The following ATP1A1 variants were observed in gnomAD, a reference collection of about 807,000 sequenced individuals.
ATP1A1 encodes the protein sodium/potassium-transporting ATPase subunit alpha-1.
Under a neutral mutation model 114.8 loss-of-function variants are expected in ATP1A1, and 14 were observed. The ratio of observed to expected loss-of-function variants is 0.12; its 90% CI spans 0.08 to 0.19. The LOEUF is 0.19. Ranked by LOEUF, ATP1A1 falls within the 10% of genes least tolerant of loss-of-function variation. The pLI is 1.00. For synonymous variants in ATP1A1, 471 were observed against 466.3 expected (o/e 1.01, Z -0.13); for missense variants, 524 against 1,290.7 (o/e 0.41, Z 9.10).
chr1:116,390,882 T>A lies in ATP1A1; in HGVS notation c.1323T>A (p.Pro441=). 1 of 1,613,398 alleles carries A rather than the reference T, an allele frequency of 6.2e-7. No homozygotes were observed. The highest frequency in any genetic ancestry group is 8.5e-7 in the Non-Finnish European group (1 of 1,179,296). Residue 441 remains proline (P), a synonymous_variant, in exon 10 of 23, where the codon CCT becomes CCA. Transcript: ENST00000295598. ...TTCAGGCTAACCAGGAAAACCTACCTATTCTTAAGGTATGCTCAAGAGTTA... is the reference window on the plus strand; with the variant it reads ...TTCAGGCTAACCAGGAAAACCTACCAATTCTTAAGGTATGCTCAAGAGTTA... ...AVFQANQENL[P]ILKRAVAGDA... is the part of the protein sequence containing the mutation.
rs1570981927 is a variant in ATP1A1 at position 116,401,839 on chromosome 1, C to T, written c.2951+184C>T. On this transcript the variant is annotated intron_variant, in intron 21 of 22. Coordinates refer to ENST00000295598, the MANE Select transcript of ATP1A1 (RefSeq NM_000701.8). The surrounding 1 kb of genome is among the most constrained non-coding windows in gnomAD (Gnocchi z 4.7). ...TCAGACTAACAAATCCTGAGGCTTC[C>T]ATGATAGCAGCTAGTGTTTAGGATT... 4.8e-6 allele frequency: 3 copies of T among 624,534 alleles called. No individual in the cohort carries two copies. Among genetic ancestry groups the T allele is most frequent in the Non-Finnish European group, 8.4e-6 (3 of 355,842 alleles). The allele number at this position is 624,534 out of a possible 1,614,324, so 38.7% of individuals were successfully genotyped here.
At chr1:116,400,429 G>A (rs867678372) in intron 18 of ATP1A1, among the ~76,000 whole-genome samples, 3 of 152,244 alleles carry the variant, frequency 2.0e-5, no homozygotes, top group African/African-American at 7.2e-5. Context: ...AAGGTGGGGA[G>A]GAGAGTCAGA....
At chr1:116,400,739 T>C (rs1342572493) in intron 18 of ATP1A1, 122 bp from the exon 19 acceptor site, 11 of 1,242,270 alleles carry the variant, frequency 8.9e-6, no homozygotes, top group Non-Finnish European at 1.2e-5. Context: ...TGTGCTTTTA[T>C]CAACCAGGGG....
At chr1:116,392,572 A>C (rs1441962091) in intron 10 of ATP1A1, 1 of 305,060 alleles carries the variant, frequency 3.3e-6, no homozygotes, top group Non-Finnish European at 6.0e-6. Flanking sequence ...AGGGTGTGTT[A>C]ATACCTCTTC....
intron 10 of ATP1A1, chr1:116,392,370 C>A (rs1463740399): frequency 6.6e-6 from 1 of 152,668 alleles, no homozygotes; most frequent in Admixed American, 6.5e-5. Context: ...TTGACACAGG[C>A]AGCTTGTCCC....
intron 10 of ATP1A1, chr1:116,392,306 G>T: frequency 6.6e-6 from 1 of 152,242 alleles, no homozygotes. Flanking sequence ...CATCCTTCAG[G>T]CCCAGTTAAT....
rs1200026154 is a variant in ATP1A1 at position 116,399,658 on chromosome 1, A to G, written c.2572+115A>G. On this transcript the variant is annotated intron_variant, in intron 18 of 22. Coordinates refer to ENST00000295598, the MANE Select transcript of ATP1A1 (RefSeq NM_000701.8). The surrounding 1 kb of genome is among the most constrained non-coding windows in gnomAD (Gnocchi z 5.0). ...GCAAATCCAGGCGACTTTCAGGTCTAGGATGAGCCCTAACGGAGTGAGCCT... is the reference window on the plus strand; with the variant it reads ...GCAAATCCAGGCGACTTTCAGGTCTGGGATGAGCCCTAACGGAGTGAGCCT... 7.0e-6 allele frequency: 10 copies of G among 1,426,422 alleles called. No individual in the cohort carries two copies. In the Admixed American group the frequency reaches 2.0e-4, roughly 29 times the overall value. The allele number at this position is 1,426,422 out of a possible 1,614,324, so 88.4% of individuals were successfully genotyped here.
chr1:116,377,789 T>TG (rs1247405742), intron 1 of ATP1A1, among the ~76,000 whole-genome samples: 1 of 151,964 alleles, frequency 6.6e-6, no homozygotes, highest in African/African-American at 2.4e-5. Context: ...GTAATCAGAG[T>TG]GGCTGGGTTT....
Position 116,397,342 on chromosome 1 carries a change from T to C in ATP1A1, c.1974-546T>C, listed in dbSNP as rs1358093130. On this transcript the variant is annotated intron_variant, in intron 14 of 22. Coordinates refer to ENST00000295598, the MANE Select transcript of ATP1A1 (RefSeq NM_000701.8). This position sits in a 1 kb window ranked among gnomAD's most constrained non-coding sequence, Gnocchi z 4.2. ...TGGTTATATTTCTTTTTTTCTTTGA[T>C]GGAGTCTCGCTCTGTCATCCCGGTT... Among the ~76,000 whole-genome samples the C allele has an allele frequency of 6.6e-6, 1 of 152,212 alleles. No homozygotes were observed. Among genetic ancestry groups the C allele is most frequent in the African/African-American group, 2.4e-5 (1 of 41,460 alleles).
chr1:116,394,053 T>C (rs1652699552), intron 12 of ATP1A1, among the ~76,000 whole-genome samples: 1 of 152,224 alleles, frequency 6.6e-6, no homozygotes, highest in South Asian at 2.1e-4. Context: ...CTAACCTTTG[T>C]TGCTGTGGAC....
Position 116,389,859 on chromosome 1 carries a change from GACAGTGA to G in ATP1A1, c.1023+153_1023+159del. The stretch of plus-strand genomic sequence containing the variant: ...AGAGCCACATCACGTGGTGAATTTT[GACAGTGA>G]GAAAACCTCAGCATTTGTTTATACG... On this transcript the variant is annotated intron_variant, in intron 8 of 22. Transcript: ENST00000295598. The surrounding 1 kb of genome is among the most constrained non-coding windows in gnomAD (Gnocchi z 6.9). The G allele has an allele frequency of 8.4e-7, 1 of 1,191,520 alleles. No individual in the cohort carries two copies. Among genetic ancestry groups the G allele is most frequent in the Non-Finnish European group, 1.1e-6 (1 of 870,682 alleles). The allele number at this position is 1,191,520 out of a possible 1,614,324, so 73.8% of individuals were successfully genotyped here.
rs1378429260 is a variant in ATP1A1, at chr1:116,387,827, G to C, written c.388-304G>C. Reference sequence around the variant, plus strand: ...ACATCCACCTGTCCAGAAATGCTTGGTGGCCATTCTTCAAAATCCACAAGT... The same window carrying C: ...ACATCCACCTGTCCAGAAATGCTTGCTGGCCATTCTTCAAAATCCACAAGT... On this transcript the variant is annotated intron_variant, in intron 4 of 22. Coordinates refer to ENST00000295598, the MANE Select transcript of ATP1A1 (RefSeq NM_000701.8). The surrounding 1 kb of genome is among the most constrained non-coding windows in gnomAD (Gnocchi z 6.7). Among the ~76,000 whole-genome samples the C allele has an allele frequency of 6.6e-6, 1 of 152,192 alleles. No individual in the cohort carries two copies. The highest frequency in any genetic ancestry group is 1.5e-5 in the Non-Finnish European group (1 of 68,032).
intron 12 of ATP1A1, among the ~76,000 whole-genome samples, chr1:116,394,398 C>T (rs1409585655): frequency 3.3e-5 from 5 of 152,052 alleles, no homozygotes; most frequent in Non-Finnish European, 5.9e-5. Context: ...TGGTATCTTT[C>T]GTATGTGTCT....
chr1:116,383,969 G>A, intron 1 of ATP1A1, 45 bp from the exon 2 acceptor site: 1 of 1,510,716 alleles, frequency 6.6e-7, no homozygotes, highest in East Asian at 2.3e-5. Flanking sequence ...AGTTTCAGAT[G>A]AGGTTCATAA....
Position 116,398,547 on chromosome 1 carries a change from G to C in ATP1A1, c.2125-74G>C. On this transcript the variant is annotated intron_variant, in intron 15 of 22. Coordinates refer to ENST00000295598, the MANE Select transcript of ATP1A1 (RefSeq NM_000701.8). This position sits in a 1 kb window ranked among gnomAD's most constrained non-coding sequence, Gnocchi z 6.1. Reference sequence around the variant, plus strand: ...CAGTGTCTGTAATGAGTGCTCAGTGGGGGCATGCATCGCACTATTTCCATC... The same window carrying C: ...CAGTGTCTGTAATGAGTGCTCAGTGCGGGCATGCATCGCACTATTTCCATC... 6.5e-7 allele frequency: 1 copy of C among 1,529,594 alleles called. No homozygotes were observed. The highest frequency in any genetic ancestry group is 8.9e-7 in the Non-Finnish European group (1 of 1,123,732). 94.8% of individuals were successfully genotyped at this position (1,529,594 alleles called of 1,614,324 possible). A position where few individuals can be genotyped will look rare whatever the true frequency, so the allele number is the denominator to read the frequency against.
At chr1:116,392,668 A>G (rs1652560327) in intron 10 of ATP1A1, 186 bp from the exon 11 acceptor site, 2 of 594,182 alleles carry the variant, frequency 3.4e-6, no homozygotes, top group Admixed American at 3.5e-5. Context: ...AGTCTGAAGC[A>G]CTGTGAACAG....
At position 116,399,518 on chromosome 1, in the gene ATP1A1, G is replaced by T. The variant is rs1653243755; in HGVS notation, c.2547G>T (p.Leu849=). Reference sequence around the variant, plus strand: ...CAGACAAACTTGTGAATGAGCGGCTGATCAGCATGGCCTATGGGCAGATTG... The same window carrying T: ...CAGACAAACTTGTGAATGAGCGGCTTATCAGCATGGCCTATGGGCAGATTG... ...PKTDKLVNER[L]ISMAYGQIGM... Residue 849 remains leucine, a synonymous_variant, in exon 18 of 23, where the codon CTG becomes CTT. Transcript: ENST00000295598. This position sits in a 1 kb window ranked among gnomAD's most constrained non-coding sequence, Gnocchi z 5.0. 6.2e-7 allele frequency: 1 copy of T among 1,614,148 alleles called. No individual in the cohort carries two copies. The highest frequency in any genetic ancestry group is 8.5e-7 in the Non-Finnish European group (1 of 1,180,016).
chr1:116,384,675 T>C lies in ATP1A1; in HGVS notation c.124-108T>C, dbSNP rs1651961724. Reference sequence around the variant, plus strand: ...CAACTTATGCACTGAAGAAAACATCTGCACTTTGTTTAATAAGCTTAATGA... The same window carrying C: ...CAACTTATGCACTGAAGAAAACATCCGCACTTTGTTTAATAAGCTTAATGA... On this transcript the variant is annotated intron_variant, in intron 2 of 22. Transcript: ENST00000295598. This position sits in a 1 kb window ranked among gnomAD's most constrained non-coding sequence, Gnocchi z 5.1. 1.0e-6 allele frequency: 1 copy of C among 983,778 alleles called. No individual in the cohort carries two copies. 60.9% of individuals were successfully genotyped at this position (983,778 alleles called of 1,614,324 possible).
intron 1 of ATP1A1, among the ~76,000 whole-genome samples, chr1:116,379,510 T>TA: frequency 6.6e-6 from 1 of 152,114 alleles, no homozygotes; most frequent in Admixed American, 6.5e-5. Context: ...TCCTTGCACA[T>TA]AAACTAAACT....
Sources: gnomAD v4.1 joint callset for allele counts (sites outside exome capture counted in the v4.1 genomes callset) on GRCh38, gnomAD v4.1.1 for gene constraint, Gnocchi (gnomAD v3.1) non-coding constraint, MANE v1.5 for transcripts, NCBI Gene and HGNC (gene_info 2026-07-23, HGNC 2026-07-21) for gene names.